The following CARD14 variants were observed in gnomAD, a reference collection of about 807,000 sequenced individuals.
The protein encoded by CARD14 is caspase recruitment domain-containing protein 14.
A neutral mutation model predicts 111.5 loss-of-function variants in CARD14; 107 were observed. The ratio of observed to expected loss-of-function variants is 0.96; its 90% CI spans 0.82 to 1.13. The LOEUF is 1.13. Ranked by LOEUF, CARD14 falls within the 50% of genes most tolerant of loss-of-function variation. The probability of loss-of-function intolerance (pLI) is 0.00; values close to 1 mark genes in which losing one functional copy is unlikely to be tolerated. For missense variants in CARD14, 1,322 were observed against 1,362.3 expected, an observed-to-expected ratio of 0.97 and a Z score of 0.47; for synonymous variants, 617 against 579.6, an observed-to-expected ratio of 1.06 and a Z score of -0.93.
At position 80,188,714 on chromosome 17, in the gene CARD14, C is replaced by T. The variant is rs771815460; in HGVS notation, c.843+170C>T. ...TTTACCTCCTTCCTTCCTGCTGTTC[C>T]CCAGACCCCAAAATTGGCAGAATTA... is the stretch of plus-strand genomic sequence containing the variant. On this transcript the variant is annotated intron_variant, in intron 8 of 23. Transcript: ENST00000648509. This position sits in a 1 kb window ranked among gnomAD's most constrained non-coding sequence, Gnocchi z 4.5. 5.2e-5 allele frequency: 31 copies of T among 599,850 alleles called. No homozygotes were observed. Among genetic ancestry groups the T allele is most frequent in the Non-Finnish European group, 7.2e-5 (29 of 405,146 alleles). The allele number at this position is 599,850 out of a possible 1,614,324, so 37.2% of individuals were successfully genotyped here.
At chr17:80,174,923 C>G (rs1034303210) in intron 2 of CARD14, among the ~76,000 whole-genome samples, 1 of 152,126 alleles carries the variant, frequency 6.6e-6, no homozygotes, top group Non-Finnish European at 1.5e-5. Flanking sequence ...CCCAGTGCCC[C>G]TTGGCAGCAC....
chr17:80,205,713 G>C, intron 22 of CARD14, 61 bp downstream of exon 22: 6 of 1,470,276 alleles, frequency 4.1e-6, no homozygotes, highest in Non-Finnish European at 5.4e-6. Flanking sequence ...GGAATGCAGA[G>C]GAGGGGGATG....
rs577995991 is a variant in CARD14 at position 80,208,115 on chromosome 17, C to G, written c.2808-23C>G. 2.4e-5 allele frequency: 36 copies of G among 1,493,522 alleles called. No individual in the cohort carries two copies. The South Asian group carries it at 2.5e-4, about 10-fold the overall frequency. The allele number at this position is 1,493,522 out of a possible 1,614,324, so 92.5% of individuals were successfully genotyped here. On this transcript the variant is annotated intron_variant, in intron 23 of 23. Transcript: ENST00000648509. Reference sequence around the variant, plus strand: ...GCCCTTGCTCTCCCCTGAGCCCGCCCCCCCCAACTCTGGCCTGTGCAGGAA... The same window carrying G: ...GCCCTTGCTCTCCCCTGAGCCCGCCGCCCCCAACTCTGGCCTGTGCAGGAA...
rs773361370 is a variant in CARD14, at chr17:80,190,857, G to A, written c.1047G>A (p.Ala349=). 1.3e-5 allele frequency: 21 copies of A among 1,613,946 alleles called. No homozygotes were observed. The highest frequency in any genetic ancestry group is 4.0e-5 in the African/African-American group (3 of 74,910). Residue 349 remains alanine (A), a synonymous_variant, in exon 10 of 24, where the codon GCG becomes GCA. Transcript: ENST00000648509. The stretch of plus-strand genomic sequence containing the variant: ...AACTCTACAGGGAGAAGGTGAATGC[G>A]CTGCAGGCCCAGGTGTGCGAGCTGC... The part of the protein sequence containing the change: ...ACQLYREKVN[A]LQAQVCELQK...
chr17:80,201,592 GGT>G lies in CARD14; in HGVS notation c.1852-146_1852-145del. Reference sequence around the variant, plus strand: ...GGTGTGAAGGCCCCACAGAGGCTCTGGTGTGTGGCTTTGTTTTGACCAAGGCG... The same window carrying G: ...GGTGTGAAGGCCCCACAGAGGCTCTGGTGTGGCTTTGTTTTGACCAAGGCG... On this transcript the variant is annotated intron_variant, in intron 16 of 23. Transcript: ENST00000648509. This position sits in a 1 kb window ranked among gnomAD's most constrained non-coding sequence, Gnocchi z 5.0. 1 of 758,706 alleles carries G rather than the reference GGT, an allele frequency of 1.3e-6. No individual in the cohort carries two copies. Among genetic ancestry groups the G allele is most frequent in the Middle Eastern group, 3.0e-4 (1 of 3,380 alleles). 47.0% of individuals were successfully genotyped at this position (758,706 alleles called of 1,614,324 possible). A position where few individuals can be genotyped will look rare whatever the true frequency, so the allele number is the denominator to read the frequency against.
At chr17:80,191,046 C>A in intron 10 of CARD14, 147 bp downstream of exon 10, 3 of 1,135,398 alleles carry the variant, frequency 2.6e-6, no homozygotes, top group Non-Finnish European at 3.7e-6. Flanking sequence ...CACGAAGTTT[C>A]TTCACTCCTC....
At position 80,184,241 on chromosome 17, in the gene CARD14, AG is replaced by A. The variant is rs2040269283; in HGVS notation, c.675+8del. 5.9e-6 allele frequency: 9 copies of A among 1,517,462 alleles called. No individual in the cohort carries two copies. The highest frequency in any genetic ancestry group is 8.0e-6 in the Non-Finnish European group (9 of 1,127,858). 94.0% of individuals were successfully genotyped at this position (1,517,462 alleles called of 1,614,324 possible). A position where few individuals can be genotyped will look rare whatever the true frequency, so the allele number is the denominator to read the frequency against. On this transcript the variant is annotated splice_donor_region_variant and intron_variant, in intron 7 of 23. Transcript: ENST00000648509. ...GCTGCCGCAGCCTGCAGGAGGAGGTAGGGGGACACCCTGCACCCCGGCGCGA... is the reference window on the plus strand; with the variant it reads ...GCTGCCGCAGCCTGCAGGAGGAGGTAGGGGACACCCTGCACCCCGGCGCGA...
At chr17:80,184,928 C>T (rs2040295223) in intron 7 of CARD14, among the ~76,000 whole-genome samples, 1 of 152,230 alleles carries the variant, frequency 6.6e-6, no homozygotes, top group Non-Finnish European at 1.5e-5. Context: ...GCCTCTGAAA[C>T]TCAGTGTGTT....
In CARD14 at chr17:80,208,234, C is replaced by T. The variant is rs955181055; in HGVS notation, c.2904C>T (p.Ser968=). 2 of 1,572,466 alleles carry T rather than the reference C, an allele frequency of 1.3e-6. No homozygotes were observed. Among genetic ancestry groups the T allele is most frequent in the African/African-American group, 1.3e-5 (1 of 74,584 alleles). ...GDLDRAPCLY[S]SLAPDGWSDL... Reference sequence around the variant, plus strand: ...TGGACCGGGCGCCCTGTCTATACAGCAGCCTGGCTCCTGACGGCTGGAGCG... The same window carrying T: ...TGGACCGGGCGCCCTGTCTATACAGTAGCCTGGCTCCTGACGGCTGGAGCG... Residue 968 remains serine (S), a synonymous_variant, in exon 24 of 24, where the codon AGC becomes AGT. Transcript: ENST00000648509.
rs566612459 is a variant in CARD14, at chr17:80,199,807, C to T, written c.1851+1216C>T. ...AGGAGAATCACTTGAACCTGGGAGG[C>T]GGAGGTTGCAGTGAGCTGAGATGGT... On this transcript the variant is annotated intron_variant, in intron 16 of 23. Coordinates refer to ENST00000648509, the MANE Select transcript of CARD14 (RefSeq NM_001366385.1). Among the ~76,000 whole-genome samples, 20 of 148,624 alleles carry T rather than the reference C, an allele frequency of 1.3e-4. No individual in the cohort carries two copies. In the South Asian group the frequency reaches 2.8e-3, roughly 21 times the overall value.
intron 21 of CARD14, 64 bp from the exon 22 acceptor site, chr17:80,205,467 C>T: frequency 1.3e-6 from 2 of 1,551,178 alleles, no homozygotes; most frequent in Non-Finnish European, 1.7e-6. Flanking sequence ...GGGTGTTTAC[C>T]ATGGGACTCC....
At chr17:80,204,806 A>G in intron 20 of CARD14, 1 of 499,938 alleles carries the variant, frequency 2.0e-6, no homozygotes, top group Non-Finnish European at 3.5e-6. Context: ...CAGGCTGCAA[A>G]GCAGTCCCTG....
chr17:80,175,997 A>AGC (rs2040017556), intron 2 of CARD14, among the ~76,000 whole-genome samples: 1 of 65,700 alleles, frequency 1.5e-5, no homozygotes, highest in African/African-American at 6.4e-5. Flanking sequence ...TTTTTTAAAA[A>AGC]CGGGATCGTG....
intron 1 of CARD14, among the ~76,000 whole-genome samples, chr17:80,170,809 T>G (rs539118956): frequency 8.3e-3 from 190 of 22,902 alleles, no homozygotes; most frequent in Middle Eastern, 0.05. Flanking sequence ...CCTCCCCTCC[T>G]CTCCCCTCCC....
intron 12 of CARD14, among the ~76,000 whole-genome samples, chr17:80,193,809 G>A (rs2040611317): frequency 1.3e-5 from 2 of 152,258 alleles, no homozygotes; most frequent in African/African-American, 2.4e-5. Context: ...CCCTGGGCCA[G>A]GACAGTCCAA....
At chr17:80,172,872 CTTTTTTTTTT>C (rs55912754) in intron 1 of CARD14, 24 bp from the exon 2 acceptor site, 1 of 70,752 alleles carries the variant, frequency 1.4e-5, no homozygotes, top group Non-Finnish European at 2.6e-5. Context: ...TCTAAACATT[CTTTTTTTTTT>C]TTTTTTTTTT....
In CARD14 at chr17:80,204,336, T is replaced by G; in HGVS notation, c.2393T>G (p.Met798Arg). Reference protein sequence around the residue: ...FDRGQLDPSRMEGSSTCFWAE... With the variant: ...FDRGQLDPSRREGSSTCFWAE... ...AGGGGCCAGTTGGACCCCAGCAGGA[T>G]GGAGGGTGAGGCCTGGTGAGCTGGC... is the stretch of plus-strand genomic sequence containing the variant. Residue 798 changes from methionine to arginine, a missense_variant, in exon 20 of 24, where the codon ATG becomes AGG. Physicochemically the swap from Met to Arg is moderately conservative, Grantham distance 91. Coordinates refer to ENST00000648509, the MANE Select transcript of CARD14 (RefSeq NM_001366385.1). 6.4e-7 allele frequency: 1 copy of G among 1,570,802 alleles called. No homozygotes were observed. The highest frequency in any genetic ancestry group is 8.7e-7 in the Non-Finnish European group (1 of 1,152,836).
chr17:80,191,164 T>C (rs1341667953), intron 10 of CARD14, among the ~76,000 whole-genome samples, 159 bp from the exon 11 acceptor site: 2 of 152,242 alleles, frequency 1.3e-5, no homozygotes, highest in African/African-American at 4.8e-5. Flanking sequence ...ACACTGCACA[T>C]GTGAACACGA....
chr17:80,170,815 C>G (rs1468181323), intron 1 of CARD14, among the ~76,000 whole-genome samples: 1 of 104,340 alleles, frequency 9.6e-6, no homozygotes, highest in Non-Finnish European at 2.0e-5. Flanking sequence ...CTCCTCTCCC[C>G]TCCCCTCCTC....
Sources: allele counts gnomAD v4.1 joint callset (sites outside exome capture counted in the v4.1 genomes callset), GRCh38; gene constraint gnomAD v4.1.1; non-coding constraint Gnocchi (gnomAD v3.1); transcripts MANE v1.5; gene names NCBI Gene and HGNC (gene_info 2026-07-23, HGNC 2026-07-21).